The following NUP133 variants were observed in gnomAD, a reference collection of about 807,000 sequenced individuals.
NUP133 encodes the protein nucleoporin 133.
In NUP133, 66 loss-of-function variants were observed where a neutral mutation model predicts 146.2. The ratio of observed to expected loss-of-function variants is 0.45; its 90% CI spans 0.37 to 0.55. NUP133 has a LOEUF of 0.55. Ranked by LOEUF, NUP133 falls within the 20% of genes least tolerant of loss-of-function variation. The pLI, the probability that NUP133 is intolerant of heterozygous loss-of-function variation, is 0.00. For missense variants in NUP133, 1,277 were observed against 1,374.8 expected (o/e 0.93, Z 1.12); for synonymous variants, 521 against 498.8 (o/e 1.04, Z -0.59).
At chr1:229,460,840 C>A in intron 19 of NUP133, 71 bp from the exon 20 acceptor site, 1 of 1,393,386 alleles carries the variant, frequency 7.2e-7, no homozygotes, top group Admixed American at 2.3e-5. Context: ...CAAAACATAA[C>A]TTTGTTCTAA....
At chr1:229,477,267 G>A (rs1373516836) in intron 13 of NUP133, among the ~76,000 whole-genome samples, 4 of 151,774 alleles carry the variant, frequency 2.6e-5, no homozygotes, top group Admixed American at 6.6e-5. Flanking sequence ...GTGAAACCCC[G>A]TCTCTACCAA....
chr1:229,458,625 C>G (rs1660620182), intron 20 of NUP133, among the ~76,000 whole-genome samples: 1 of 151,836 alleles, frequency 6.6e-6, no homozygotes, highest in Admixed American at 6.6e-5. Context: ...CAACAATATA[C>G]TCATTGCAAA....
chr1:229,461,643 G>C (rs1406161750), intron 19 of NUP133, among the ~76,000 whole-genome samples: 1 of 152,054 alleles, frequency 6.6e-6, no homozygotes, highest in Non-Finnish European at 1.5e-5. Flanking sequence ...CCAGATATAG[G>C]AAGCAGAAAA....
chr1:229,500,859 G>T lies in NUP133; in HGVS notation c.410C>A (p.Ser137Tyr). Residue 137 changes from serine to tyrosine, a missense_variant, in exon 4 of 26, where the codon TCC (serine) becomes TAC (tyrosine). Physicochemically the swap from Ser to Tyr is moderately radical, Grantham distance 144. Coordinates refer to ENST00000261396, the MANE Select transcript of NUP133 (RefSeq NM_018230.3). The part of the protein sequence containing the change: ...KIALSPITKL[S>Y]VCKELQLPPS... The stretch of plus-strand genomic sequence containing the variant: ...TGGCAGCTGAAGTTCTTTGCAAACG[G>T]ATAACTGTAGAACAAACCCAAACAG... 1 of 1,607,166 alleles carries T rather than the reference G, an allele frequency of 6.2e-7. No homozygotes were observed.
chr1:229,458,356 G>A, intron 20 of NUP133, 60 bp from the exon 21 acceptor site: 3 of 1,552,032 alleles, frequency 1.9e-6, no homozygotes, highest in Non-Finnish European at 2.6e-6. Flanking sequence ...CTGAAACAAA[G>A]GTAAGTAAAC....
chr1:229,442,307 C>A (rs750128696), intron 25 of NUP133, among the ~76,000 whole-genome samples: 3 of 152,186 alleles, frequency 2.0e-5, no homozygotes, highest in African/African-American at 7.2e-5. Context: ...AGATCTGAAA[C>A]GTTTTCATGT....
At chr1:229,467,994 A>G (rs1356060508) in intron 15 of NUP133, among the ~76,000 whole-genome samples, 2 of 152,174 alleles carry the variant, frequency 1.3e-5, no homozygotes, top group Non-Finnish European at 2.9e-5. Flanking sequence ...ATAAAATGCC[A>G]AAACACTTGT....
At chr1:229,446,102 T>C (rs1660294544) in intron 24 of NUP133, among the ~76,000 whole-genome samples, 1 of 152,124 alleles carries the variant, frequency 6.6e-6, no homozygotes, top group South Asian at 2.1e-4. Flanking sequence ...GCAGAAAGGA[T>C]ATGATTGTGA....
intron 15 of NUP133, among the ~76,000 whole-genome samples, 175 bp from the exon 16 acceptor site, chr1:229,466,931 C>T (rs1219085765): frequency 6.6e-6 from 1 of 152,174 alleles, no homozygotes; most frequent in Non-Finnish European, 1.5e-5. Flanking sequence ...CATCTCCTAA[C>T]TTTTAAAAGT....
intron 25 of NUP133, among the ~76,000 whole-genome samples, chr1:229,444,339 G>GA (rs894824434): frequency 1.7e-3 from 245 of 146,072 alleles, no homozygotes; most frequent in African/African-American, 4.7e-3. Flanking sequence ...TCAAAAAAAA[G>GA]AAAAAAAAAA....
chr1:229,487,800 CAT>C (rs1661398959), intron 9 of NUP133, among the ~76,000 whole-genome samples, 187 bp from the exon 10 acceptor site: 1 of 150,430 alleles, frequency 6.6e-6, no homozygotes, highest in Admixed American at 6.6e-5. Flanking sequence ...ATCAATTAGA[CAT>C]ATATTTTGTT....
intron 21 of NUP133, among the ~76,000 whole-genome samples, chr1:229,454,104 A>C (rs1033439519): frequency 2.0e-4 from 30 of 152,138 alleles, no homozygotes; most frequent in Middle Eastern, 3.2e-3. Context: ...AAATGATGTA[A>C]AAGCTACCAT....
At chr1:229,450,643 C>T in intron 22 of NUP133, 38 bp from the exon 23 acceptor site, 1 of 1,005,354 alleles carries the variant, frequency 9.9e-7, no homozygotes, top group South Asian at 1.5e-5. Context: ...ATTATACAAT[C>T]ATGTAACTAA....
chr1:229,489,142 TTTTC>T (rs1354099736), intron 9 of NUP133, among the ~76,000 whole-genome samples: 6 of 152,064 alleles, frequency 3.9e-5, no homozygotes, highest in East Asian at 1.9e-4. Flanking sequence ...CTTCCTTCCT[TTTTC>T]TTTTTCTTCT....
chr1:229,441,570 T>TGATTTGTA lies in NUP133; in HGVS notation c.*333_*334insTACAAATC, dbSNP rs1660183106. ...TAGTGCAATCTAGTAATTTTCATAG[T>TGATTTGTA]CGCAGAAACTGAGGCCTAGAAGTGA... On this transcript the variant is annotated 3_prime_UTR_variant, in exon 26 of 26. Transcript: ENST00000261396. 1 of 438,080 alleles carries TGATTTGTA rather than the reference T, an allele frequency of 2.3e-6. No individual in the cohort carries two copies. The highest frequency in any genetic ancestry group is 4.6e-6 in the Non-Finnish European group (1 of 215,756). The allele number at this position is 438,080 out of a possible 1,614,324, so 27.1% of individuals were successfully genotyped here.
At position 229,489,940 on chromosome 1, in the gene NUP133, C is replaced by A; in HGVS notation, c.1194+15G>T. On this transcript the variant is annotated intron_variant, in intron 9 of 25. Transcript: ENST00000261396. Reference sequence around the variant, plus strand: ...ACATATTATTGCTTTGTAATTTAACCAATATAAATCTTACCTGAAAAGGTG... The same window carrying A: ...ACATATTATTGCTTTGTAATTTAACAAATATAAATCTTACCTGAAAAGGTG... The A allele has an allele frequency of 1.3e-6, 2 of 1,546,516 alleles. No individual in the cohort carries two copies. Among genetic ancestry groups the A allele is most frequent in the South Asian group, 1.2e-5 (1 of 81,764 alleles).
chr1:229,502,256 GAT>G (rs1661819624), intron 2 of NUP133, among the ~76,000 whole-genome samples, 154 bp from the exon 3 acceptor site: 1 of 152,002 alleles, frequency 6.6e-6, no homozygotes, highest in African/African-American at 2.4e-5. Flanking sequence ...AAAAACAATA[GAT>G]CTATTAACTC....
rs4925490 is a variant in NUP133, at chr1:229,472,534, G to A, written c.1852-1730C>T. Among the ~76,000 whole-genome samples, 10 of 150,384 alleles carry A rather than the reference G, an allele frequency of 6.6e-5. No homozygotes were observed. The South Asian group carries it at 1.1e-3, about 16-fold the overall frequency. ...GTAATGTGTACAAAAAATACAAAAA[G>A]TAGCTGATTTGGTGGCACATGCCTG... On this transcript the variant is annotated intron_variant, in intron 14 of 25. Transcript: ENST00000261396.
chr1:229,496,573 A>T (rs1246594568), intron 6 of NUP133, among the ~76,000 whole-genome samples: 5 of 152,244 alleles, frequency 3.3e-5, no homozygotes, highest in Non-Finnish European at 4.4e-5. Context: ...GGAAAGCCCA[A>T]GAGGAGAAGA....
Sources: gnomAD v4.1 joint callset for allele counts (sites outside exome capture counted in the v4.1 genomes callset) on GRCh38, gnomAD v4.1.1 for gene constraint, MANE v1.5 for transcripts, NCBI Gene and HGNC (gene_info 2026-07-23, HGNC 2026-07-21) for gene names.